SLC22A14: variants seen among roughly 807,000 people sequenced by gnomAD.
SLC22A14 encodes solute carrier family 22 member 14.
In SLC22A14, 50 loss-of-function variants were observed where a neutral mutation model predicts 53.9. That is an observed-to-expected ratio of 0.93 (90% CI 0.74 to 1.17). SLC22A14 has a LOEUF of 1.17. Ranked by LOEUF, SLC22A14 falls within the 50% of genes most tolerant of loss-of-function variation. The probability of loss-of-function intolerance (pLI) is 0.00; values close to 1 mark genes in which losing one functional copy is unlikely to be tolerated. For missense variants in SLC22A14, 671 were observed against 734.7 expected, an observed-to-expected ratio of 0.91 and a Z score of 1.00; for synonymous variants, 312 against 303.0, an observed-to-expected ratio of 1.03 and a Z score of -0.31.
At chr3:38,286,459 G>A (rs1411143838) in intron 1 of SLC22A14, among the ~76,000 whole-genome samples, 1 of 150,726 alleles carries the variant, frequency 6.6e-6, no homozygotes, top group African/African-American at 2.4e-5. Flanking sequence ...CTGTCACCCA[G>A]GCTGGAGTGC....
intron 1 of SLC22A14, among the ~76,000 whole-genome samples, chr3:38,301,753 T>C (rs1318772272): frequency 6.6e-6 from 1 of 151,922 alleles, no homozygotes; most frequent in Non-Finnish European, 1.5e-5. Context: ...TAGGATTTTT[T>C]TTTTTGTGGA....
chr3:38,279,934 G>A (rs940064035), upstream of SLC22A14, among the ~76,000 whole-genome samples: 1 of 152,194 alleles, frequency 6.6e-6, no homozygotes. Flanking sequence ...TTGCAGGATG[G>A]TAGGTAAGCA....
chr3:38,307,160 G>A lies in SLC22A14; in HGVS notation c.517-94G>A. On this transcript the variant is annotated intron_variant, in intron 2 of 10. Transcript: ENST00000448498. The surrounding 1 kb of genome is among the most constrained non-coding windows in gnomAD (Gnocchi z 4.4). Reference sequence around the variant, plus strand: ...ACACTGTTAACTGCCCCTACCCCAGGTCCCCTTGGCCTATAGGTCCCACGC... The same window carrying A: ...ACACTGTTAACTGCCCCTACCCCAGATCCCCTTGGCCTATAGGTCCCACGC... 2 of 852,472 alleles carry A rather than the reference G, an allele frequency of 2.3e-6. No homozygotes were observed. Among genetic ancestry groups the A allele is most frequent in the Non-Finnish European group, 4.1e-6 (2 of 486,852 alleles). The allele number at this position is 852,472 out of a possible 1,614,324, so 52.8% of individuals were successfully genotyped here. A position where few individuals can be genotyped will look rare whatever the true frequency, so the allele number is the denominator to read the frequency against.
intron 1 of SLC22A14, among the ~76,000 whole-genome samples, chr3:38,304,123 A>G (rs1229954370): frequency 6.7e-6 from 1 of 149,932 alleles, no homozygotes; most frequent in Admixed American, 6.6e-5. Context: ...CCTGGGAGGC[A>G]GAGCTTGCAG....
At chr3:38,286,009 G>T (rs1044111391) in intron 1 of SLC22A14, among the ~76,000 whole-genome samples, 2 of 152,198 alleles carry the variant, frequency 1.3e-5, no homozygotes, top group African/African-American at 4.8e-5. Context: ...GAGGTGGGCA[G>T]ATCACCTGAG....
At chr3:38,292,615 G>C (rs775628953) in intron 1 of SLC22A14, among the ~76,000 whole-genome samples, 6 of 152,062 alleles carry the variant, frequency 3.9e-5, no homozygotes, top group Admixed American at 6.5e-5. Context: ...CGTGTCTAAG[G>C]GGGTACTGCC....
rs1044811087 is a variant in SLC22A14, at chr3:38,316,253, T to C, written c.1533-71T>C. 11 of 1,367,424 alleles carry C rather than the reference T, an allele frequency of 8.0e-6. No homozygotes were observed. The South Asian group carries it at 9.6e-5, about 12-fold the overall frequency. The allele number at this position is 1,367,424 out of a possible 1,614,324, so 84.7% of individuals were successfully genotyped here. A position where few individuals can be genotyped will look rare whatever the true frequency, so the allele number is the denominator to read the frequency against. On this transcript the variant is annotated intron_variant, in intron 9 of 10. Coordinates refer to ENST00000448498, the MANE Select transcript of SLC22A14 (RefSeq NM_001320033.2). The stretch of plus-strand genomic sequence containing the variant: ...GGAGACTGGAGAGTGTGGGTTTTCA[T>C]GTAGCTGCTGGCCCTGCCCAGCCTC...
intron 10 of SLC22A14, 134 bp downstream of exon 10, chr3:38,316,658 C>A: frequency 1.3e-6 from 1 of 766,128 alleles, no homozygotes; most frequent in Non-Finnish European, 2.1e-6. Context: ...GCCATGTCCG[C>A]AGCAGTCTCT....
rs757710664 is a variant in SLC22A14 at position 38,307,324 on chromosome 3, T to C, written c.587T>C (p.Ile196Thr). 3.7e-6 allele frequency: 6 copies of C among 1,614,050 alleles called. No homozygotes were observed. In the East Asian group the frequency reaches 6.7e-5, roughly 18 times the overall value. The change falls in exon 3 of 11, where the codon ATA (isoleucine) becomes ACA (threonine). Residue 196 changes from isoleucine (I) to threonine (T), a missense_variant. Transcript: ENST00000448498. This position sits in a 1 kb window ranked among gnomAD's most constrained non-coding sequence, Gnocchi z 4.4. ...AQIMFMAGLP[I>T]GSLIFRLITD... is the part of the protein sequence containing the mutation. Reference sequence around the variant, plus strand: ...ATCATGTTCATGGCAGGGCTCCCGATAGGCTCTCTCATCTTCAGGCTCATA... The same window carrying C: ...ATCATGTTCATGGCAGGGCTCCCGACAGGCTCTCTCATCTTCAGGCTCATA...
At chr3:38,285,228 A>G (rs1253854848) in intron 1 of SLC22A14, among the ~76,000 whole-genome samples, 1 of 152,202 alleles carries the variant, frequency 6.6e-6, no homozygotes, top group African/African-American at 2.4e-5. Context: ...ACAGTGGGGG[A>G]CTGCTGCCTT....
Position 38,307,801 on chromosome 3 carries a change from CA to C in SLC22A14, c.775+82del. ...GGCGGGTGACAAGGGGACATAGTGG[CA>C]GGGGGCGTGGCGGCATAGGCAGATG... is the stretch of plus-strand genomic sequence containing the variant. On this transcript the variant is annotated intron_variant, in intron 4 of 10. Coordinates refer to ENST00000448498, the MANE Select transcript of SLC22A14 (RefSeq NM_001320033.2). This position sits in a 1 kb window ranked among gnomAD's most constrained non-coding sequence, Gnocchi z 4.4. 1 of 1,502,690 alleles carries C rather than the reference CA, an allele frequency of 6.7e-7. No homozygotes were observed. Among genetic ancestry groups the C allele is most frequent in the Non-Finnish European group, 9.1e-7 (1 of 1,093,750 alleles). 93.1% of individuals were successfully genotyped at this position (1,502,690 alleles called of 1,614,324 possible). A position where few individuals can be genotyped will look rare whatever the true frequency, so the allele number is the denominator to read the frequency against.
chr3:38,318,117 G>A (rs962802254), intron 10 of SLC22A14, 81 bp from the exon 11 acceptor site: 11 of 1,303,760 alleles, frequency 8.4e-6, no homozygotes, highest in South Asian at 3.6e-5. Context: ...AGGGTTGGGC[G>A]CTGCTGAAGG....
intron 1 of SLC22A14, among the ~76,000 whole-genome samples, chr3:38,295,707 C>T (rs550958833): frequency 6.6e-6 from 1 of 151,712 alleles, no homozygotes; most frequent in Non-Finnish European, 1.5e-5. Flanking sequence ...CTTTGACTCC[C>T]TCGTTGTCTC....
intron 2 of SLC22A14, 137 bp downstream of exon 2, chr3:38,306,679 C>T (rs1220891292): frequency 6.0e-6 from 5 of 832,714 alleles, no homozygotes; most frequent in African/African-American, 1.7e-5. Flanking sequence ...GAGGCAGGGT[C>T]TGGGCAGAAA....
intron 5 of SLC22A14, among the ~76,000 whole-genome samples, chr3:38,310,958 C>T (rs890181181): frequency 2.6e-5 from 4 of 152,192 alleles, no homozygotes; most frequent in African/African-American, 9.7e-5. Context: ...CACATATTAA[C>T]TCTCCTATAA....
Position 38,307,606 on chromosome 3 carries a change from C to T in SLC22A14, c.661C>T (p.Leu221=). Residue 221 remains leucine (L), a synonymous_variant, in exon 4 of 11, where the codon CTG becomes TTG. Transcript: ENST00000448498. The surrounding 1 kb of genome is among the most constrained non-coding windows in gnomAD (Gnocchi z 4.4). The part of the protein sequence containing the change: ...YPAILLSLLG[L]IIFGFGTAFM... The stretch of plus-strand genomic sequence containing the variant: ...TGCCATCCTGCTGTCACTGCTGGGG[C>T]TGATCATCTTCGGCTTTGGGACAGC... 1 of 1,614,228 alleles carries T rather than the reference C, an allele frequency of 6.2e-7. No homozygotes were observed.
intron 8 of SLC22A14, 108 bp downstream of exon 8, chr3:38,314,049 C>T (rs1407690680): frequency 9.6e-6 from 8 of 832,710 alleles, no homozygotes; most frequent in Non-Finnish European, 1.6e-5. Flanking sequence ...TGGGAATCAG[C>T]CTTCTGCACC....
chr3:38,312,931 C>G (rs575854789), intron 5 of SLC22A14, 68 bp from the exon 6 acceptor site: 1 of 1,549,996 alleles, frequency 6.5e-7, no homozygotes, highest in African/African-American at 1.4e-5. Context: ...GCTGAGGCCA[C>G]GAGAGGGCCA....
Position 38,306,490 on chromosome 3 carries a change from G to T in SLC22A14, c.464G>T (p.Cys155Phe), listed in dbSNP as rs763984906. Reference protein sequence around the residue: ...IQFGLNDTDTCQDGWIYPDAK... With the variant: ...IQFGLNDTDTFQDGWIYPDAK... ...TTTGGCCTCAATGACACAGACACAT[G>T]CCAAGATGGGTGGATCTATCCTGAC... The change falls in exon 2 of 11, where the codon TGC becomes TTC. Residue 155 changes from cysteine (C) to phenylalanine (F), a missense_variant. By Grantham distance (205) the Cys-to-Phe change is radical. Coordinates refer to ENST00000448498, the MANE Select transcript of SLC22A14 (RefSeq NM_001320033.2). The T allele has an allele frequency of 1.2e-4, 192 of 1,614,024 alleles. No homozygotes were observed. The highest frequency in any genetic ancestry group is 1.6e-4 in the Non-Finnish European group (186 of 1,180,024).
Sources: gnomAD v4.1 joint callset for allele counts (sites outside exome capture counted in the v4.1 genomes callset) on GRCh38, gnomAD v4.1.1 for gene constraint, Gnocchi (gnomAD v3.1) non-coding constraint, MANE v1.5 for transcripts, NCBI Gene and HGNC (gene_info 2026-07-23, HGNC 2026-07-21) for gene names.